Variants in VDR observed in about 807,000 individuals in gnomAD.
The protein encoded by VDR is vitamin D3 receptor.
Under a neutral mutation model 39.7 loss-of-function variants are expected in VDR, and 19 were observed. The observed-to-expected ratio is 0.48, with a 90% CI of 0.33 to 0.70. VDR has a LOEUF of 0.70. Ranked by LOEUF, VDR falls within the 30% of genes least tolerant of loss-of-function variation. The pLI is 0.02. For synonymous variants in VDR, 242 were observed against 215.8 expected, an observed-to-expected ratio of 1.12 and a Z score of -1.07; for missense variants, 442 against 570.5, an observed-to-expected ratio of 0.77 and a Z score of 2.29.
chr12:47,860,107 G>A (rs544209184), intron 4 of VDR, among the ~76,000 whole-genome samples: 1 of 152,044 alleles, frequency 6.6e-6, no homozygotes, highest in Admixed American at 6.5e-5. Flanking sequence ...GGGCTTATAG[G>A]CACATGCCAC....
At chr12:47,882,120 C>A (rs1946161772) in intron 2 of VDR, among the ~76,000 whole-genome samples, 1 of 152,140 alleles carries the variant, frequency 6.6e-6, no homozygotes, top group Non-Finnish European at 1.5e-5. Flanking sequence ...AGCACAGCAA[C>A]GGGGCAGTCC....
At chr12:47,879,814 T>C (rs760841694) in intron 2 of VDR, among the ~76,000 whole-genome samples, 7 of 152,212 alleles carry the variant, frequency 4.6e-5, no homozygotes, top group Non-Finnish European at 1.0e-4. Context: ...AATGTCCTTC[T>C]GAGTCATGTG....
intron 3 of VDR, among the ~76,000 whole-genome samples, chr12:47,877,651 AG>A (rs1946034608): frequency 6.6e-6 from 1 of 152,120 alleles, no homozygotes; most frequent in South Asian, 2.1e-4. Flanking sequence ...CAGCCCCCCA[AG>A]TTAGAGGACC....
At position 47,846,637 on chromosome 12, in the gene VDR, G is replaced by T. The variant is rs752245848; in HGVS notation, c.907+20C>A. 3.7e-6 allele frequency: 6 copies of T among 1,612,894 alleles called. No individual in the cohort carries two copies. The East Asian group carries it at 1.3e-4, about 36-fold the overall frequency. On this transcript the variant is annotated intron_variant, in intron 8 of 9. Coordinates refer to ENST00000549336, the MANE Select transcript of VDR (RefSeq NM_000376.3). ...CTGGGAGCTGAAAAAGACTCCCCAG[G>T]AGGTGGAGTCTAGGCATACCTTTGG... is the stretch of plus-strand genomic sequence containing the variant.
rs1401673422 is a variant in VDR at position 47,843,153 on chromosome 12, T to A, written c.*1593A>T. On this transcript the variant is annotated 3_prime_UTR_variant, in exon 10 of 10. Transcript: ENST00000549336. ...ATATGCTATTCTGCAGTAAGGAACG[T>A]GGCTTTCAGATGTTTTTCCACCTGA... 6.6e-6 allele frequency: 1 copy of A among 152,290 alleles called. No individual in the cohort carries two copies. Among genetic ancestry groups the A allele is most frequent in the Non-Finnish European group, 1.5e-5 (1 of 68,022 alleles). 9.4% of individuals were successfully genotyped at this position (152,290 alleles called of 1,614,324 possible).
At chr12:47,851,734 T>A (rs1565609965) in intron 7 of VDR, among the ~76,000 whole-genome samples, 1 of 152,188 alleles carries the variant, frequency 6.6e-6, no homozygotes, top group South Asian at 2.1e-4. Context: ...CATACCAGTG[T>A]CCCTGCAAGC....
chr12:47,872,715 C>A (rs1160653428), intron 3 of VDR, among the ~76,000 whole-genome samples: 2 of 152,214 alleles, frequency 1.3e-5, no homozygotes, highest in East Asian at 3.8e-4. Flanking sequence ...TGTTTAGGAA[C>A]CTCTTTTCAG....
chr12:47,873,651 G>A (rs927188130), intron 3 of VDR, among the ~76,000 whole-genome samples: 2 of 151,992 alleles, frequency 1.3e-5, no homozygotes, highest in East Asian at 1.9e-4. Flanking sequence ...GTGAGCCACC[G>A]CGCCCGGCCA....
At chr12:47,879,529 G>A (rs528889208) in intron 2 of VDR, among the ~76,000 whole-genome samples, 3 of 152,296 alleles carry the variant, frequency 2.0e-5, no homozygotes, top group African/African-American at 7.2e-5. Flanking sequence ...CAGGTCAGGG[G>A]CTTCTATCCT....
In VDR at chr12:47,875,849, T is replaced by C. The variant is rs150824778; in HGVS notation, c.146+3119A>G. 8.1e-3 allele frequency among the ~76,000 whole-genome samples: 1,241 copies of C among 152,318 alleles called. 19 individuals are homozygous for C. The highest frequency in any genetic ancestry group is 0.029 in the African/African-American group (1,190 of 41,556). ...TATCTTATTCAATAGATATTGTTGG[T>C]TGAGTTATTAACATTGATCAAACAG... On this transcript the variant is annotated intron_variant, in intron 3 of 9. Coordinates refer to ENST00000549336, the MANE Select transcript of VDR (RefSeq NM_000376.3).
rs11574050 is a variant in VDR at position 47,878,678 on chromosome 12, G to A, written c.146+290C>T. ...AGGTTCACTCTGGAAGGATGGACAC[G>A]TGGGTTGGTGTAGGAGGCTGTGGGT... On this transcript the variant is annotated intron_variant, in intron 3 of 9. Transcript: ENST00000549336. 0.06 allele frequency: 29,442 copies of A among 493,084 alleles called. 1,033 individuals carry two copies. Among genetic ancestry groups the A allele is most frequent in the East Asian group, 0.13 (2,544 of 19,972 alleles). The allele number at this position is 493,084 out of a possible 1,614,324, so 30.5% of individuals were successfully genotyped here. A position where few individuals can be genotyped will look rare whatever the true frequency, so the allele number is the denominator to read the frequency against.
intron 1 of VDR, 91 bp from the exon 2 acceptor site, chr12:47,882,865 A>G (rs1412570126): frequency 3.0e-6 from 3 of 999,610 alleles, no homozygotes; most frequent in Non-Finnish European, 4.4e-6. Flanking sequence ...GGCTCTTTCC[A>G]GGGACTTTAG....
chr12:47,871,818 AAAAG>A (rs1447030888), intron 3 of VDR, among the ~76,000 whole-genome samples: 2 of 152,372 alleles, frequency 1.3e-5, no homozygotes, highest in African/African-American at 4.8e-5. Flanking sequence ...GTGACTATGA[AAAAG>A]AAAGAGGAAG....
chr12:47,852,369 G>A (rs1245218363), intron 7 of VDR, among the ~76,000 whole-genome samples: 1 of 152,232 alleles, frequency 6.6e-6, no homozygotes, highest in Non-Finnish European at 1.5e-5. Flanking sequence ...GGAATATGTG[G>A]AGTTTGCAAA....
At chr12:47,879,151 G>C (rs777132812) in intron 2 of VDR, 36 bp from the exon 3 acceptor site, 3 of 1,606,498 alleles carry the variant, frequency 1.9e-6, no homozygotes. Context: ...GTCAGAGCCA[G>C]AGTCAGTGCC....
intron 5 of VDR, 71 bp from the exon 6 acceptor site, chr12:47,857,320 T>C: frequency 1.9e-6 from 3 of 1,612,514 alleles, no homozygotes; most frequent in Middle Eastern, 1.7e-4. Flanking sequence ...TGATCTCTGA[T>C]AGGAATGGCT....
intron 3 of VDR, among the ~76,000 whole-genome samples, chr12:47,876,773 T>C (rs997644640): frequency 2.0e-5 from 3 of 152,224 alleles, no homozygotes; most frequent in Admixed American, 2.0e-4. Context: ...GCTCCTGTCC[T>C]GAGGATTCCC....
chr12:47,846,783 C>G lies in VDR; in HGVS notation c.781G>C (p.Val261Leu), dbSNP rs746214307. The change falls in exon 8 of 10, where the codon GTA (valine) becomes CTA (leucine). Residue 261 changes from valine (V) to leucine (L), a missense_variant. This residue lies in a region of VDR where 173 missense variants were observed against 252.0 expected (regional missense o/e 0.69). Coordinates refer to ENST00000549336, the MANE Select transcript of VDR (RefSeq NM_000376.3). ...TCAATGGCACTTGACTTCAGCAGTA[C>G]GATCTGGTCCTCAGAGGTGAGGTCT... ...FRDLTSEDQI[V>L]LLKSSAIEVI... The G allele has an allele frequency of 1.2e-6, 2 of 1,614,130 alleles. No homozygotes were observed. Among genetic ancestry groups the G allele is most frequent in the Admixed American group, 1.7e-5 (1 of 60,006 alleles).
At chr12:47,877,838 A>T (rs1946039443) in intron 3 of VDR, among the ~76,000 whole-genome samples, 1 of 152,184 alleles carries the variant, frequency 6.6e-6, no homozygotes, top group Admixed American at 6.5e-5. Context: ...CGGGAAGCCA[A>T]GCGGGCAGCC....
Sources: allele counts gnomAD v4.1 joint callset (sites outside exome capture counted in the v4.1 genomes callset), GRCh38; gene constraint gnomAD v4.1.1; regional missense constraint gnomAD v4.1.1; transcripts MANE v1.5; gene names NCBI Gene and HGNC (gene_info 2026-07-23, HGNC 2026-07-21).